The following ASNS variants were observed in gnomAD, a reference collection of about 807,000 sequenced individuals.
ASNS encodes asparagine synthetase [glutamine-hydrolyzing].
In ASNS, 37 loss-of-function variants were observed where a neutral mutation model predicts 62.6. That is an observed-to-expected ratio of 0.59 (90% CI 0.45 to 0.78). The LOEUF (loss-of-function observed/expected upper bound fraction) is 0.78, where lower values mean the gene tolerates loss of function less well. Among genes scored for constraint, ASNS ranks in the 30% least tolerant of loss-of-function variants. The pLI is 0.00. For synonymous variants in ASNS, 207 were observed against 237.9 expected (o/e 0.87, Z 1.19); for missense variants, 520 against 682.4 (o/e 0.76, Z 2.65).
chr7:97,859,753 G>T (rs1464412228), intron 4 of ASNS, among the ~76,000 whole-genome samples: 1 of 152,112 alleles, frequency 6.6e-6, no homozygotes, highest in Non-Finnish European at 1.5e-5. Context: ...GAAGCAAAGG[G>T]ATGAACTGGA....
the ASNS span, among the ~76,000 whole-genome samples, chr7:97,901,156 C>A: frequency 1.3e-5 from 2 of 152,192 alleles, no homozygotes; most frequent in Admixed American, 6.5e-5. Context: ...TGGGCTCTTA[C>A]CTAATTTGTG....
chr7:97,897,988 A>G, the ASNS span, among the ~76,000 whole-genome samples: 6 of 152,176 alleles, frequency 3.9e-5, no homozygotes, highest in African/African-American at 1.4e-4. Flanking sequence ...GCAGTGTCAC[A>G]ATCATAGTTC....
chr7:97,853,355 G>A lies in ASNS; in HGVS notation c.1270C>T (p.Arg424Ter). The A allele has an allele frequency of 5.0e-6, 8 of 1,612,832 alleles. No individual in the cohort carries two copies. The highest frequency in any genetic ancestry group is 2.2e-5 in the South Asian group (2 of 90,996). ...LELRVPFLDH[R>*]FSSYYLSLPP... ...AGAGACAAGTAATAGGAAGAAAATC[G>A]ATGATCTAGAAATGGGACTCTCAGT... Residue 424 changes from arginine to a stop codon, truncating the protein, a stop_gained, in exon 11 of 13, where the codon CGA (arginine) becomes TGA (stop). Coordinates refer to ENST00000394308, the MANE Select transcript of ASNS (RefSeq NM_001673.5). LOFTEE classifies it high-confidence loss of function.
rs1260657995 is a variant in ASNS at position 97,869,045 on chromosome 7, T to A, written c.112A>T (p.Asn38Tyr). ...CCAAAGCAGCAGTTGGTGTATCCAT[T>A]GACATTCTCAAAACGGAATGCATCT... Reference protein sequence around the residue: ...GPDAFRFENVNGYTNCCFGFH... With the variant: ...GPDAFRFENVYGYTNCCFGFH... The change falls in exon 3 of 13, where the codon AAT becomes TAT. Residue 38 changes from asparagine to tyrosine, a missense_variant. Coordinates refer to ENST00000394308, the MANE Select transcript of ASNS (RefSeq NM_001673.5). 1 of 1,614,214 alleles carries A rather than the reference T, an allele frequency of 6.2e-7. No individual in the cohort carries two copies. The highest frequency in any genetic ancestry group is 2.2e-5 in the East Asian group (1 of 44,882).
chr7:97,878,637 TAA>T, the ASNS span, among the ~76,000 whole-genome samples: 107 of 152,122 alleles, frequency 7.0e-4, no homozygotes, highest in African/African-American at 2.5e-3. Context: ...CTCAACGAAA[TAA>T]AAGAGGATAC....
At chr7:97,922,851 G>A in the ASNS span, among the ~76,000 whole-genome samples, 1 of 152,188 alleles carries the variant, frequency 6.6e-6, no homozygotes, top group African/African-American at 2.4e-5. Flanking sequence ...AAGTGCAGTG[G>A]TGTGATCTCG....
At chr7:97,868,328 A>C (rs1410093355) in intron 3 of ASNS, among the ~76,000 whole-genome samples, 1 of 152,120 alleles carries the variant, frequency 6.6e-6, no homozygotes, top group Non-Finnish European at 1.5e-5. Context: ...AATAAATAAA[A>C]ATATTCTTGG....
At chr7:97,926,541 A>G in the ASNS span, among the ~76,000 whole-genome samples, 1 of 152,176 alleles carries the variant, frequency 6.6e-6, no homozygotes, top group Non-Finnish European at 1.5e-5. Context: ...CTTCAAAGAG[A>G]GTATTCCCAT....
At chr7:97,880,367 G>A in the ASNS span, among the ~76,000 whole-genome samples, 207 of 152,202 alleles carry the variant, frequency 1.4e-3, 2 homozygotes, top group South Asian at 0.033. Context: ...CAAGTGATTC[G>A]CCTACCTCGG....
At chr7:97,881,086 G>A in the ASNS span, among the ~76,000 whole-genome samples, 2 of 152,168 alleles carry the variant, frequency 1.3e-5, no homozygotes, top group Admixed American at 6.5e-5. Context: ...GGTTACAGGT[G>A]TGCACCGCCA....
At chr7:97,870,874 C>A (rs1792222258) in intron 1 of ASNS, among the ~76,000 whole-genome samples, 1 of 151,978 alleles carries the variant, frequency 6.6e-6, no homozygotes, top group African/African-American at 2.4e-5. Context: ...AAAGGGAGAA[C>A]AAAGAGGCAT....
chr7:97,861,993 G>C (rs1311228337), intron 4 of ASNS, among the ~76,000 whole-genome samples: 1 of 152,150 alleles, frequency 6.6e-6, no homozygotes, highest in Non-Finnish European at 1.5e-5. Flanking sequence ...GTTAAAGTGT[G>C]TCAAATACCA....
chr7:97,879,621 G>C, the ASNS span, among the ~76,000 whole-genome samples: 10 of 152,280 alleles, frequency 6.6e-5, no homozygotes, highest in South Asian at 1.0e-3. Flanking sequence ...CAGCCTGCAA[G>C]GAACTGAATG....
the ASNS span, among the ~76,000 whole-genome samples, chr7:97,883,715 C>T: frequency 7.9e-5 from 12 of 152,232 alleles, no homozygotes; most frequent in Admixed American, 7.2e-4. Flanking sequence ...CGGCCGGGCG[C>T]GGTGGCTCAC....
the ASNS span, among the ~76,000 whole-genome samples, chr7:97,903,821 A>G: frequency 1.3e-5 from 2 of 152,236 alleles, no homozygotes; most frequent in African/African-American, 2.4e-5. Flanking sequence ...ACTAAATCCA[A>G]TTCTCTGGGT....
chr7:97,854,779 T>G (rs1584458931), intron 9 of ASNS, 99 bp from the exon 10 acceptor site: 1 of 1,566,426 alleles, frequency 6.4e-7, no homozygotes. Context: ...GACAAAAAGT[T>G]AAACAAATTT....
chr7:97,904,317 C>G, the ASNS span, among the ~76,000 whole-genome samples: 1,049 of 146,612 alleles, frequency 7.2e-3, 16 homozygotes, highest in East Asian at 0.047. Flanking sequence ...CACACACACA[C>G]AGAGAGAGAG....
upstream of ASNS, among the ~76,000 whole-genome samples, chr7:97,874,311 T>C (rs1792395314): frequency 6.6e-6 from 1 of 152,238 alleles, no homozygotes; most frequent in Non-Finnish European, 1.5e-5. Context: ...CCTGAACAAT[T>C]GCTGTTATCC....
At chr7:97,898,903 G>A in the ASNS span, 6 of 1,278,298 alleles carry the variant, frequency 4.7e-6, no homozygotes, top group African/African-American at 8.7e-5. Context: ...CATTCTGCAA[G>A]TCAGCAAGAC....
Sources: allele counts gnomAD v4.1 joint callset (sites outside exome capture counted in the v4.1 genomes callset), GRCh38; gene constraint gnomAD v4.1.1; transcripts MANE v1.5; gene names NCBI Gene and HGNC (gene_info 2026-07-23, HGNC 2026-07-21).